Variants in FOXN3 observed in about 807,000 individuals in gnomAD.
FOXN3 encodes forkhead box N3.
In FOXN3, 7 loss-of-function variants were observed where a neutral mutation model predicts 38.4. The ratio of observed to expected loss-of-function variants is 0.18; its 90% CI spans 0.10 to 0.34. The LOEUF is 0.34. Among genes scored for constraint, FOXN3 ranks in the 10% least tolerant of loss-of-function variants. The probability of loss-of-function intolerance (pLI) is 1.00; values close to 1 mark genes in which losing one functional copy is unlikely to be tolerated. For synonymous variants in FOXN3, 230 were observed against 242.2 expected, an observed-to-expected ratio of 0.95 and a Z score of 0.47; for missense variants, 456 against 613.4, an observed-to-expected ratio of 0.74 and a Z score of 2.71.
At chr14:89,225,953 T>C in intron 4 of FOXN3, among the ~76,000 whole-genome samples, 1 of 152,084 alleles carries the variant, frequency 6.6e-6, no homozygotes, top group East Asian at 1.9e-4. Context: ...ATAGGTGAGG[T>C]TGTCAGATAA....
chr14:89,437,082 G>A (rs1892288925), intron 1 of FOXN3, among the ~76,000 whole-genome samples: 1 of 151,960 alleles, frequency 6.6e-6, no homozygotes, highest in Non-Finnish European at 1.5e-5. Flanking sequence ...GGGAGGCTGA[G>A]ACAGGAGAAT....
At chr14:89,264,580 C>T (rs1229888671) in intron 4 of FOXN3, among the ~76,000 whole-genome samples, 2 of 152,150 alleles carry the variant, frequency 1.3e-5, no homozygotes, top group African/African-American at 4.8e-5. Context: ...TCTTTGTATA[C>T]TGTCCTTGGC....
intron 3 of FOXN3, among the ~76,000 whole-genome samples, chr14:89,317,852 A>C (rs1887768932): frequency 6.6e-6 from 1 of 151,148 alleles, no homozygotes; most frequent in African/African-American, 2.4e-5. Context: ...CATCAGCTGC[A>C]GCATTAGATT....
chr14:89,216,406 G>A (rs1004682312), intron 4 of FOXN3, among the ~76,000 whole-genome samples: 3 of 152,108 alleles, frequency 2.0e-5, no homozygotes, highest in Admixed American at 2.0e-4. Flanking sequence ...CACCATCATA[G>A]AATAGATGCA....
chr14:89,559,878 G>A (rs1895211423), intron 1 of FOXN3, among the ~76,000 whole-genome samples: 1 of 152,100 alleles, frequency 6.6e-6, no homozygotes, highest in Non-Finnish European at 1.5e-5. Context: ...ACACTTCAGG[G>A]GAGGAGGAGG....
intron 1 of FOXN3, among the ~76,000 whole-genome samples, chr14:89,428,807 A>G (rs1177921166): frequency 2.0e-5 from 3 of 152,230 alleles, no homozygotes; most frequent in Non-Finnish European, 4.4e-5. Context: ...ACGCCCCACG[A>G]GTGCCTGCAG....
At chr14:89,200,669 G>A (rs534477355) in intron 4 of FOXN3, among the ~76,000 whole-genome samples, 36 of 152,276 alleles carry the variant, frequency 2.4e-4, no homozygotes, top group Non-Finnish European at 3.5e-4. Flanking sequence ...TAATTCTAAC[G>A]TCCTTTTCGC....
At position 89,164,840 on chromosome 14, in the gene FOXN3, G is replaced by A. The variant is rs951638110; in HGVS notation, c.852-1871C>T. Among the ~76,000 whole-genome samples the A allele has an allele frequency of 6.6e-6, 1 of 152,104 alleles. No homozygotes were observed. The highest frequency in any genetic ancestry group is 1.5e-5 in the Non-Finnish European group (1 of 68,014). ...CACCCTCATGGGCCTTGAGGCTCAG[G>A]GAGACTTCAGCTGCATCCCACATAG... On this transcript the variant is annotated intron_variant, in intron 5 of 5. Coordinates refer to ENST00000557258, the MANE Select transcript of FOXN3 (RefSeq NM_005197.4). This position sits in a 1 kb window ranked among gnomAD's most constrained non-coding sequence, Gnocchi z 4.3.
chr14:89,173,697 T>TA (rs1447198071), intron 5 of FOXN3, among the ~76,000 whole-genome samples: 1 of 152,148 alleles, frequency 6.6e-6, no homozygotes, highest in Non-Finnish European at 1.5e-5. Flanking sequence ...TCTAGTTATT[T>TA]AAAAAACTCA....
At chr14:89,505,447 G>T (rs1285187154) in intron 1 of FOXN3, among the ~76,000 whole-genome samples, 1 of 152,084 alleles carries the variant, frequency 6.6e-6, no homozygotes, top group South Asian at 2.1e-4. Context: ...ACTGGTTTTC[G>T]TATTTTTTTG....
chr14:89,403,753 G>A (rs1235589150), intron 2 of FOXN3, among the ~76,000 whole-genome samples: 1 of 152,184 alleles, frequency 6.6e-6, no homozygotes, highest in African/African-American at 2.4e-5. Context: ...GGAGATACTG[G>A]ACAGATACAT....
Position 89,164,670 on chromosome 14 carries a change from T to C in FOXN3, c.852-1701A>G, listed in dbSNP as rs1887194837. Among the ~76,000 whole-genome samples the C allele has an allele frequency of 6.6e-6, 1 of 152,098 alleles. No homozygotes were observed. The highest frequency in any genetic ancestry group is 1.5e-5 in the Non-Finnish European group (1 of 68,014). On this transcript the variant is annotated intron_variant, in intron 5 of 5. Coordinates refer to ENST00000557258, the MANE Select transcript of FOXN3 (RefSeq NM_005197.4). The surrounding 1 kb of genome is among the most constrained non-coding windows in gnomAD (Gnocchi z 4.3). ...AGGTGGAATCACGTGGCTGAGAGCA[T>C]GAAGCTTGGGAAATGACTGTGGGTC...
chr14:89,395,027 C>G (rs1229855082), intron 2 of FOXN3, among the ~76,000 whole-genome samples: 1 of 152,214 alleles, frequency 6.6e-6, no homozygotes, highest in South Asian at 2.1e-4. Flanking sequence ...TATTCTGACA[C>G]TTCCCCAAAG....
At chr14:89,283,902 C>G (rs1596152754) in intron 3 of FOXN3, among the ~76,000 whole-genome samples, 1 of 152,130 alleles carries the variant, frequency 6.6e-6, no homozygotes, top group Non-Finnish European at 1.5e-5. Flanking sequence ...GCTCTGTAGC[C>G]CAGGCTGGAG....
chr14:89,494,404 T>C (rs1005005097), intron 1 of FOXN3, among the ~76,000 whole-genome samples: 2 of 152,234 alleles, frequency 1.3e-5, no homozygotes, highest in Non-Finnish European at 2.9e-5. Flanking sequence ...ATGGTACACC[T>C]GAAAATACGG....
rs1555360151 is a variant in FOXN3, at chr14:89,555,882, G to GGT, written c.-15+63145_-15+63146insAC. Among the ~76,000 whole-genome samples the GGT allele has an allele frequency of 1.9e-4, 20 of 104,600 alleles. 4 individuals carry two copies. The highest frequency in any genetic ancestry group is 3.6e-4 in the Non-Finnish European group (18 of 49,348). The allele number at this position is 104,600 out of a possible 152,430, so 68.6% of individuals were successfully genotyped here. A position where few individuals can be genotyped will look rare whatever the true frequency, so the allele number is the denominator to read the frequency against. On this transcript the variant is annotated intron_variant, in intron 1 of 6. Coordinates refer to the FOXN3 transcript ENST00000345097. Reference sequence around the variant, plus strand: ...GTGTGTGTGTGTGTGTGTGTATGTGGGGGTGTATGTGGGGGTGTGTGTGTT... The same window carrying GGT: ...GTGTGTGTGTGTGTGTGTGTATGTGGGTGGGTGTATGTGGGGGTGTGTGTGTT...
intron 1 of FOXN3, among the ~76,000 whole-genome samples, chr14:89,446,612 T>C (rs1892507614): frequency 6.6e-6 from 1 of 152,248 alleles, no homozygotes; most frequent in Non-Finnish European, 1.5e-5. Context: ...AGTACTCCAC[T>C]TTTTTCTACT....
intron 1 of FOXN3, among the ~76,000 whole-genome samples, chr14:89,578,317 CTT>C (rs1331081243): frequency 6.6e-6 from 1 of 152,158 alleles, no homozygotes; most frequent in African/African-American, 2.4e-5. Flanking sequence ...GCTAGCTAAT[CTT>C]TTTTCATCTG....
At chr14:89,422,996 T>C (rs1306166661) in intron 1 of FOXN3, among the ~76,000 whole-genome samples, 1 of 152,226 alleles carries the variant, frequency 6.6e-6, no homozygotes, top group Non-Finnish European at 1.5e-5. Flanking sequence ...TGTGAGCCGA[T>C]GATCTAGAAT....
Sources: allele counts gnomAD v4.1 joint callset (sites outside exome capture counted in the v4.1 genomes callset), GRCh38; gene constraint gnomAD v4.1.1; non-coding constraint Gnocchi (gnomAD v3.1); transcripts MANE v1.5; gene names NCBI Gene and HGNC (gene_info 2026-07-23, HGNC 2026-07-21).